DDHD1: variants seen among roughly 807,000 people sequenced by gnomAD.
DDHD1 encodes the protein DDHD domain containing 1.
A neutral mutation model predicts 96.4 loss-of-function variants in DDHD1; 49 were observed. That is an observed-to-expected ratio of 0.51 (90% CI 0.40 to 0.64). The LOEUF is 0.64. Ranked by LOEUF, DDHD1 falls within the 30% of genes least tolerant of loss-of-function variation. DDHD1 has a pLI of 0.00. For missense variants in DDHD1, 1,106 were observed against 1,161.2 expected (o/e 0.95, Z 0.69); for synonymous variants, 442 against 446.5 (o/e 0.99, Z 0.13).
chr14:53,037,613 C>T lies in DDHD1; in HGVS notation c.*9155G>A, dbSNP rs1881356762. On this transcript the variant is annotated 3_prime_UTR_variant, in exon 13 of 13. Transcript: ENST00000673822. ...GGGTTGTTTTTTGCTTGTTAAGTTCCTTATTGATTCTGGATGTCAGATCTT... is the reference window on the plus strand; with the variant it reads ...GGGTTGTTTTTTGCTTGTTAAGTTCTTTATTGATTCTGGATGTCAGATCTT... The T allele has an allele frequency of 6.6e-6, 1 of 151,892 alleles. No individual in the cohort carries two copies. Among genetic ancestry groups the T allele is most frequent in the Admixed American group, 6.6e-5 (1 of 15,220 alleles). The allele number at this position is 151,892 out of a possible 1,614,324, so 9.4% of individuals were successfully genotyped here. A position where few individuals can be genotyped will look rare whatever the true frequency, so the allele number is the denominator to read the frequency against.
chr14:53,098,574 A>T (rs117664784), intron 2 of DDHD1, among the ~76,000 whole-genome samples: 8 of 152,226 alleles, frequency 5.3e-5, no homozygotes, highest in Non-Finnish European at 1.0e-4. Flanking sequence ...CAGAGAAATA[A>T]AGTTAGATAA....
chr14:53,057,831 A>G (rs1405127744), intron 9 of DDHD1, among the ~76,000 whole-genome samples: 1 of 152,214 alleles, frequency 6.6e-6, no homozygotes, highest in Non-Finnish European at 1.5e-5. Context: ...ATTCGATGGC[A>G]CCTTGTAAGA....
rs113528749 is a variant in DDHD1 at position 53,114,472 on chromosome 14, C to T, written c.839-10616G>A. On this transcript the variant is annotated intron_variant, in intron 1 of 12. Transcript: ENST00000673822. Reference sequence around the variant, plus strand: ...ATCTCCCAACAGGGTCTGACAGACACCTCATACAGGGGAGCTCTGGCTGGC... The same window carrying T: ...ATCTCCCAACAGGGTCTGACAGACATCTCATACAGGGGAGCTCTGGCTGGC... 4.8e-3 allele frequency among the ~76,000 whole-genome samples: 737 copies of T among 152,310 alleles called. 6 individuals are homozygous for T. Among genetic ancestry groups the T allele is most frequent in the African/African-American group, 0.017 (706 of 41,564 alleles).
intron 2 of DDHD1, among the ~76,000 whole-genome samples, chr14:53,102,677 T>C (rs1355682583): frequency 1.3e-5 from 2 of 151,708 alleles, no homozygotes; most frequent in Non-Finnish European, 2.9e-5. Context: ...GAGCAAAGAG[T>C]GGCAGAGAGA....
At position 53,153,258 on chromosome 14, in the gene DDHD1, G is replaced by C; in HGVS notation, c.-160C>G. ...AGCGGCGACCGCTCCGCCCCCACGA[G>C]ACCCGCAGCCGCCGCAGCTGCGTTC... On this transcript the variant is annotated 5_prime_UTR_variant, in exon 1 of 13. Transcript: ENST00000673822. 1 of 571,552 alleles carries C rather than the reference G, an allele frequency of 1.7e-6. No homozygotes were observed. The highest frequency in any genetic ancestry group is 3.6e-5 in the East Asian group (1 of 28,148). The allele number at this position is 571,552 out of a possible 1,614,324, so 35.4% of individuals were successfully genotyped here.
chr14:53,046,847 T>C lies in DDHD1; in HGVS notation c.2624A>G (p.Asp875Gly). Residue 875 changes from aspartate (D) to glycine (G), a missense_variant, in exon 13 of 13, where the codon GAT becomes GGT. Physicochemically the swap from Asp to Gly is moderately conservative, Grantham distance 94. Coordinates refer to ENST00000673822, the MANE Select transcript of DDHD1 (RefSeq NM_001160148.2). ...TSHTAYWSSLDVALFLLTFMY... is the reference protein window; with the variant it reads ...TSHTAYWSSLGVALFLLTFMY... ...GAAGGTTAAAAGAAAAAGGGCAACA[T>C]CCAAGGATGACCAATAGGCAGTATG... 6.2e-7 allele frequency: 1 copy of C among 1,613,586 alleles called. No individual in the cohort carries two copies. Among genetic ancestry groups the C allele is most frequent in the South Asian group, 1.1e-5 (1 of 91,040 alleles).
chr14:53,063,030 A>G lies in DDHD1; in HGVS notation c.1679T>C (p.Leu560Pro), dbSNP rs1060502166. The change falls in exon 7 of 13, where the codon CTG becomes CCG. Residue 560 changes from leucine (L) to proline (P), a missense_variant. Physicochemically the swap from Leu to Pro is moderately conservative, Grantham distance 98 (BLOSUM62 -3). This residue lies in a region of DDHD1 where 650 missense variants were observed against 758.8 expected (regional missense o/e 0.86). Transcript: ENST00000673822. The stretch of plus-strand genomic sequence containing the variant: ...ATCAGGCAACTCTTCTTCCTTTTGC[A>G]GCAACTGTTCATACAGCCGAACTGG... ...WNPVRLYEQLLQKEEELPDER... is the reference protein window; with the variant it reads ...WNPVRLYEQLPQKEEELPDER... 2 of 1,614,042 alleles carry G rather than the reference A, an allele frequency of 1.2e-6. No homozygotes were observed. Among genetic ancestry groups the G allele is most frequent in the Non-Finnish European group, 1.7e-6 (2 of 1,180,010 alleles).
At chr14:53,127,779 G>T (rs1889561536) in intron 1 of DDHD1, among the ~76,000 whole-genome samples, 1 of 152,192 alleles carries the variant, frequency 6.6e-6, no homozygotes. Flanking sequence ...TTACTTCCTG[G>T]TGTTATTAGT....
Position 53,152,733 on chromosome 14 carries a change from C to A in DDHD1, c.366G>T (p.Gln122His). The A allele has an allele frequency of 1.3e-6, 2 of 1,599,168 alleles. No homozygotes were observed. Among genetic ancestry groups the A allele is most frequent in the Admixed American group, 1.7e-5 (1 of 58,358 alleles). Reference protein sequence around the residue: ...GSSLSLHPPQQPPLVPTNSGG... With the variant: ...GSSLSLHPPQHPPLVPTNSGG... ...CCGAGTTCGTCGGGACCAGCGGAGG[C>A]TGCTGCGGCGGGTGCAGCGACAAGG... is the stretch of plus-strand genomic sequence containing the variant. The change falls in exon 1 of 13, where the codon CAG (glutamine) becomes CAT (histidine). Residue 122 changes from glutamine to histidine, a missense_variant. Transcript: ENST00000673822.
chr14:53,119,555 T>C (rs1367535215), intron 1 of DDHD1, among the ~76,000 whole-genome samples: 1 of 152,158 alleles, frequency 6.6e-6, no homozygotes, highest in Non-Finnish European at 1.5e-5. Flanking sequence ...AAATCCTCAA[T>C]AGAATACTGG....
rs752225098 is a variant in DDHD1, at chr14:53,072,707, CA to C, written c.1397-5del. ...GGAGTAATGGAATCAACAGTGTCTA[CA>C]AAAACAAACAAAAAAAGCAAGTTAA... On this transcript the variant is annotated splice_region_variant and splice_polypyrimidine_tract_variant and intron_variant, in intron 5 of 12. Transcript: ENST00000673822. 3.5e-5 allele frequency: 56 copies of C among 1,582,100 alleles called. No homozygotes were observed. The highest frequency in any genetic ancestry group is 4.6e-5 in the Non-Finnish European group (53 of 1,161,580).
At position 53,062,994 on chromosome 14, in the gene DDHD1, A is replaced by G; in HGVS notation, c.1715T>C (p.Met572Thr). The change falls in exon 7 of 13, where the codon ATG (methionine) becomes ACG (threonine). Residue 572 changes from methionine to threonine, a missense_variant. Around this residue, in one of 2 missense-constraint regions of DDHD1, gnomAD observed 650 missense variants for 758.8 expected, o/e 0.86. Transcript: ENST00000673822. ...AAGAAGATGTCGTTCTTCATAGCTC[A>G]TCCATCGTTCATCAGGCAACTCTTC... Reference protein sequence around the residue: ...KEEELPDERWMSYEERHLLDE... With the variant: ...KEEELPDERWTSYEERHLLDE... The G allele has an allele frequency of 1.2e-6, 2 of 1,614,146 alleles. No homozygotes were observed. Among genetic ancestry groups the G allele is most frequent in the African/African-American group, 1.3e-5 (1 of 75,056 alleles).
chr14:53,069,305 T>C (rs1209897538), intron 6 of DDHD1, among the ~76,000 whole-genome samples: 1 of 152,156 alleles, frequency 6.6e-6, no homozygotes, highest in African/African-American at 2.4e-5. Flanking sequence ...TTGGCCACTT[T>C]AATGGACAAA....
chr14:53,136,645 G>A (rs1419487370), intron 1 of DDHD1, among the ~76,000 whole-genome samples: 1 of 152,188 alleles, frequency 6.6e-6, no homozygotes, highest in Non-Finnish European at 1.5e-5. Context: ...GCAATAAATA[G>A]TTCATGTTCC....
At chr14:53,075,087 G>A (rs978767063) in intron 4 of DDHD1, among the ~76,000 whole-genome samples, 1 of 152,084 alleles carries the variant, frequency 6.6e-6, no homozygotes, top group Admixed American at 6.6e-5. Flanking sequence ...ATTGAGATTA[G>A]GGCACTGAAT....
intron 4 of DDHD1, among the ~76,000 whole-genome samples, chr14:53,077,880 A>C (rs568939945): frequency 3.9e-5 from 6 of 152,158 alleles, no homozygotes. Context: ...ATAATCATAC[A>C]ATATGGGGCC....
intron 8 of DDHD1, among the ~76,000 whole-genome samples, chr14:53,060,154 A>C (rs1470864870): frequency 6.6e-6 from 1 of 152,210 alleles, no homozygotes; most frequent in African/African-American, 2.4e-5. Context: ...AAGAAGAGGT[A>C]ATACAGTATA....
chr14:53,093,150 T>C (rs1886578381), intron 3 of DDHD1, 166 bp downstream of exon 3: 2 of 530,190 alleles, frequency 3.8e-6, no homozygotes, highest in Non-Finnish European at 6.0e-6. Context: ...GATGAACACA[T>C]GTCAACTCAA....
chr14:53,073,198 C>T (rs1417555815), intron 5 of DDHD1, among the ~76,000 whole-genome samples: 3 of 151,950 alleles, frequency 2.0e-5, no homozygotes, highest in African/African-American at 7.2e-5. Flanking sequence ...TGGTTGATGA[C>T]AGCTCTTTAA....
Sources: gnomAD v4.1 joint callset for allele counts (sites outside exome capture counted in the v4.1 genomes callset) on GRCh38, gnomAD v4.1.1 for gene constraint, gnomAD v4.1.1 regional missense constraint, MANE v1.5 for transcripts, NCBI Gene and HGNC (gene_info 2026-07-23, HGNC 2026-07-21) for gene names.